Variants in UGT8 observed in about 807,000 individuals in gnomAD.
The protein encoded by UGT8 is 2-hydroxyacylsphingosine 1-beta-galactosyltransferase.
Under a neutral mutation model 40.5 loss-of-function variants are expected in UGT8, and 12 were observed. The ratio of observed to expected loss-of-function variants is 0.30; its 90% CI spans 0.19 to 0.48. UGT8 has a LOEUF of 0.48. Among genes scored for constraint, UGT8 ranks in the 20% least tolerant of loss-of-function variants. The pLI, the probability that UGT8 is intolerant of heterozygous loss-of-function variation, is 0.99. For synonymous variants in UGT8, 224 were observed against 240.4 expected (o/e 0.93, Z 0.63); for missense variants, 513 against 648.7 (o/e 0.79, Z 2.27).
At chr4:114,669,886 G>A (rs1735124347) in intron 5 of UGT8, among the ~76,000 whole-genome samples, 1 of 152,174 alleles carries the variant, frequency 6.6e-6, no homozygotes, top group African/African-American at 2.4e-5. Flanking sequence ...TGTGTAGCAT[G>A]TCCTTTGCTA....
At chr4:114,663,709 T>C (rs1734688321) in intron 2 of UGT8, 3 of 985,278 alleles carry the variant, frequency 3.0e-6, no homozygotes, top group Non-Finnish European at 1.2e-6. Flanking sequence ...TCATTTCCAA[T>C]TTTTGACCTT....
intron 2 of UGT8, among the ~76,000 whole-genome samples, chr4:114,651,277 A>C (rs1030594717): frequency 6.6e-6 from 1 of 152,148 alleles, no homozygotes; most frequent in Admixed American, 6.6e-5. Context: ...GTACACCAAG[A>C]AAATATGCAG....
chr4:114,623,543 G>A lies in UGT8; in HGVS notation c.663G>A (p.Lys221=), dbSNP rs754186990. 2.5e-6 allele frequency: 4 copies of A among 1,614,126 alleles called. No homozygotes were observed. Among genetic ancestry groups the A allele is most frequent in the South Asian group, 2.2e-5 (2 of 91,076 alleles). ...VLPKYERIMQ[K]YNLLPEKSMY... is the part of the protein sequence containing the mutation. Reference sequence around the variant, plus strand: ...CCAAATATGAAAGGATAATGCAGAAGTACAACCTGCTGCCAGAGAAGTCCA... The same window carrying A: ...CCAAATATGAAAGGATAATGCAGAAATACAACCTGCTGCCAGAGAAGTCCA... Residue 221 remains lysine, a synonymous_variant, in exon 2 of 6, where the codon AAG becomes AAA. Transcript: ENST00000310836.
rs1196426669 is a variant in UGT8 at position 114,622,897 on chromosome 4, C to T, written c.17C>T (p.Pro6Leu). 6.2e-7 allele frequency: 1 copy of T among 1,612,790 alleles called. No individual in the cohort carries two copies. The highest frequency in any genetic ancestry group is 1.3e-5 in the African/African-American group (1 of 74,870). The change falls in exon 2 of 6, where the codon CCA (proline) becomes CTA (leucine). Residue 6 changes from proline (P) to leucine (L), a missense_variant. Pro to Leu is a moderately conservative substitution (Grantham distance 98). This residue lies in a region of UGT8 where 335 missense variants were observed against 444.8 expected (regional missense o/e 0.75). Transcript: ENST00000310836. ...ATTACAGCTATGAAGTCTTACACTC[C>T]ATATTTCATTCTCCTGTGGAGTGCT... MKSYT[P>L]YFILLWSAVG...
At chr4:114,632,311 C>T (rs895717809) in intron 2 of UGT8, among the ~76,000 whole-genome samples, 5 of 152,102 alleles carry the variant, frequency 3.3e-5, no homozygotes, top group African/African-American at 1.2e-4. Context: ...TTCCTTTGTC[C>T]TAAAACTTCA....
At chr4:114,675,529 A>G (rs988145306) in intron 5 of UGT8, among the ~76,000 whole-genome samples, 4 of 151,886 alleles carry the variant, frequency 2.6e-5, no homozygotes, top group African/African-American at 9.7e-5. Flanking sequence ...TCACGAGGTC[A>G]GGAGATTGAG....
At chr4:114,661,922 G>A (rs536523230) in intron 2 of UGT8, among the ~76,000 whole-genome samples, 2 of 152,086 alleles carry the variant, frequency 1.3e-5, no homozygotes, top group Admixed American at 6.5e-5. Flanking sequence ...TGATTTTACC[G>A]TGTAGCATTT....
chr4:114,663,646 A>C, intron 2 of UGT8: 2 of 975,194 alleles, frequency 2.1e-6, no homozygotes, highest in Non-Finnish European at 2.4e-6. Flanking sequence ...TGTTTAATCC[A>C]CATCTTTTGT....
chr4:114,619,742 A>G (rs1731663308), intron 1 of UGT8, among the ~76,000 whole-genome samples: 1 of 151,918 alleles, frequency 6.6e-6, no homozygotes, highest in Admixed American at 6.6e-5. Context: ...TAACTTCAAG[A>G]TTTGCAGATG....
intron 2 of UGT8, among the ~76,000 whole-genome samples, chr4:114,662,313 A>G (rs1312877844): frequency 1.3e-5 from 2 of 152,136 alleles, no homozygotes; most frequent in African/African-American, 4.8e-5. Flanking sequence ...TGGCCATTCA[A>G]CCTCATGATT....
chr4:114,633,024 C>A (rs994046361), intron 2 of UGT8, among the ~76,000 whole-genome samples: 2 of 152,276 alleles, frequency 1.3e-5, no homozygotes, highest in East Asian at 1.9e-4. Flanking sequence ...AACAGATAAA[C>A]CGACTTGACT....
intron 2 of UGT8, chr4:114,663,636 T>G: frequency 4.1e-6 from 4 of 964,710 alleles, no homozygotes; most frequent in Non-Finnish European, 4.9e-6. Flanking sequence ...ATTTTTCATA[T>G]GTTTAATCCA....
intron 2 of UGT8, among the ~76,000 whole-genome samples, chr4:114,625,118 T>A (rs1034203732): frequency 6.6e-6 from 1 of 152,192 alleles, no homozygotes; most frequent in African/African-American, 2.4e-5. Flanking sequence ...CTCTAGGTCA[T>A]CATCTTTTCC....
chr4:114,646,127 A>G lies in UGT8; in HGVS notation c.823-17868A>G, dbSNP rs76442198. On this transcript the variant is annotated intron_variant, in intron 2 of 5. Transcript: ENST00000310836. ...TTAGATATACTGTTTTGCAAGATTT[A>G]TGTCTGATATGATACTTAAAGAAGA... is the stretch of plus-strand genomic sequence containing the variant. Among the ~76,000 whole-genome samples, 930 of 152,238 alleles carry G rather than the reference A, an allele frequency of 6.1e-3. 12 individuals are homozygous for G. The highest frequency in any genetic ancestry group is 0.021 in the African/African-American group (887 of 41,552).
intron 2 of UGT8, among the ~76,000 whole-genome samples, chr4:114,645,137 C>A (rs1170670881): frequency 6.6e-6 from 1 of 151,956 alleles, no homozygotes; most frequent in African/African-American, 2.4e-5. Flanking sequence ...ATTCAATGAG[C>A]AAAAAAATTA....
intron 4 of UGT8, 33 bp downstream of exon 4, chr4:114,665,789 T>A (rs1469991744): frequency 3.2e-6 from 5 of 1,559,542 alleles, no homozygotes; most frequent in Non-Finnish European, 4.3e-6. Flanking sequence ...CTTACTTGGC[T>A]GTTAGGTTTT....
At chr4:114,615,401 T>G (rs1239210626) in intron 1 of UGT8, among the ~76,000 whole-genome samples, 4 of 152,186 alleles carry the variant, frequency 2.6e-5, no homozygotes, top group Non-Finnish European at 5.9e-5. Context: ...CGTCCCCGTG[T>G]GCCCAAGACT....
At position 114,662,006 on chromosome 4, in the gene UGT8, G is replaced by A. The variant is rs567445644; in HGVS notation, c.823-1989G>A. 4.6e-5 allele frequency among the ~76,000 whole-genome samples: 7 copies of A among 151,950 alleles called. No homozygotes were observed. In the South Asian group the frequency reaches 1.2e-3, roughly 27 times the overall value. On this transcript the variant is annotated intron_variant, in intron 2 of 5. Coordinates refer to ENST00000310836, the MANE Select transcript of UGT8 (RefSeq NM_001128174.3). ...TCTGCTCTTGTTTATTTCAATCTAC[G>A]GATAACATTTAAATTTTCAGCATCT... is the stretch of plus-strand genomic sequence containing the variant.
At chr4:114,632,792 A>G (rs887043820) in intron 2 of UGT8, among the ~76,000 whole-genome samples, 2 of 152,240 alleles carry the variant, frequency 1.3e-5, no homozygotes, top group African/African-American at 2.4e-5. Flanking sequence ...GTACTTGCAC[A>G]GTATGGGCTT....
Sources: gnomAD v4.1 joint callset for allele counts (sites outside exome capture counted in the v4.1 genomes callset) on GRCh38, gnomAD v4.1.1 for gene constraint, gnomAD v4.1.1 regional missense constraint, MANE v1.5 for transcripts, NCBI Gene and HGNC (gene_info 2026-07-23, HGNC 2026-07-21) for gene names.